PDE10A: variants seen among roughly 807,000 people sequenced by gnomAD.
PDE10A encodes phosphodiesterase 10A, also known as cAMP and cAMP-inhibited cGMP 3',5'-cyclic phosphodiesterase 10A.
PDE10A carries 39 observed loss-of-function variants against 97.7 expected under a neutral mutation model. That is an observed-to-expected ratio of 0.40 (90% CI 0.31 to 0.52). The LOEUF is 0.52. PDE10A is among the 20% of genes least tolerant of loss of function. The probability of loss-of-function intolerance (pLI) is 0.56; values close to 1 mark genes in which losing one functional copy is unlikely to be tolerated. For missense variants in PDE10A, 731 were observed against 1,047.8 expected, an observed-to-expected ratio of 0.70 and a Z score of 4.17; for synonymous variants, 371 against 376.8, an observed-to-expected ratio of 0.98 and a Z score of 0.18.
At chr6:165,608,398 A>C (rs544696293) in intron 1 of PDE10A, among the ~76,000 whole-genome samples, 39 of 151,818 alleles carry the variant, frequency 2.6e-4, no homozygotes, top group Non-Finnish European at 4.9e-4. Context: ...GCTGAGAATG[A>C]TGGTTTCCAG....
chr6:165,424,021 A>G (rs2128234235), intron 10 of PDE10A, among the ~76,000 whole-genome samples: 1 of 152,218 alleles, frequency 6.6e-6, no homozygotes, highest in East Asian at 1.9e-4. Context: ...ACAAGCCTTA[A>G]TTAAAAACTC....
At chr6:165,813,091 G>A (rs1028426732) in intron 1 of PDE10A, among the ~76,000 whole-genome samples, 5 of 152,162 alleles carry the variant, frequency 3.3e-5, no homozygotes, top group South Asian at 2.1e-4. Flanking sequence ...TTCTATACAC[G>A]CTTGTCCTTT....
intron 1 of PDE10A, among the ~76,000 whole-genome samples, chr6:165,783,092 A>T (rs1436856937): frequency 2.0e-5 from 3 of 151,916 alleles, no homozygotes; most frequent in Non-Finnish European, 2.9e-5. Context: ...AGGCAGTAAC[A>T]TTTTTTGGCT....
chr6:165,865,638 A>C (rs1781021256), intron 1 of PDE10A, among the ~76,000 whole-genome samples: 1 of 152,128 alleles, frequency 6.6e-6, no homozygotes, highest in African/African-American at 2.4e-5. Flanking sequence ...AATTCAATAA[A>C]AGAAATAATA....
chr6:165,435,706 A>T (rs570666423), intron 5 of PDE10A, among the ~76,000 whole-genome samples: 136 of 152,318 alleles, frequency 8.9e-4, no homozygotes, highest in Middle Eastern at 3.4e-3. Flanking sequence ...AGATTCTATC[A>T]GACCACAAAC....
At chr6:165,515,005 A>G (rs1391109574) in intron 2 of PDE10A, among the ~76,000 whole-genome samples, 1 of 152,128 alleles carries the variant, frequency 6.6e-6, no homozygotes, top group Admixed American at 6.5e-5. Flanking sequence ...ATTCATTTTT[A>G]CTACAGAGCA....
At chr6:165,623,179 G>A (rs904670302) in intron 1 of PDE10A, among the ~76,000 whole-genome samples, 1 of 152,186 alleles carries the variant, frequency 6.6e-6, no homozygotes, top group African/African-American at 2.4e-5. Flanking sequence ...CACCCAGGCT[G>A]GAGTGGCACG....
intron 1 of PDE10A, among the ~76,000 whole-genome samples, chr6:165,555,402 C>T (rs888321094): frequency 6.6e-6 from 1 of 152,162 alleles, no homozygotes; most frequent in African/African-American, 2.4e-5. Context: ...CAAAACAGTA[C>T]CTACTCCATA....
chr6:165,475,852 T>C (rs968648166), intron 3 of PDE10A, among the ~76,000 whole-genome samples: 7 of 152,164 alleles, frequency 4.6e-5, no homozygotes, highest in Admixed American at 3.3e-4. Flanking sequence ...GATAATGAAA[T>C]CTGGATTCCA....
intron 2 of PDE10A, among the ~76,000 whole-genome samples, chr6:165,486,882 A>G (rs1779954627): frequency 6.6e-6 from 1 of 152,222 alleles, no homozygotes; most frequent in African/African-American, 2.4e-5. Context: ...ATTCAAAGCC[A>G]AAGTGGAATT....
At chr6:165,334,090 C>T (rs983733417) in intron 21 of PDE10A, among the ~76,000 whole-genome samples, 33 of 152,344 alleles carry the variant, frequency 2.2e-4, no homozygotes, top group Admixed American at 4.6e-4. Flanking sequence ...AAGCCATACA[C>T]TAATTTTGGT....
intron 1 of PDE10A, among the ~76,000 whole-genome samples, chr6:165,594,749 C>G (rs1382304465): frequency 1.3e-5 from 2 of 152,160 alleles, no homozygotes; most frequent in Admixed American, 1.3e-4. Flanking sequence ...GAAATGATAC[C>G]TTTATGGTGG....
intron 1 of PDE10A, among the ~76,000 whole-genome samples, chr6:165,925,791 A>G (rs752675523): frequency 2.8e-4 from 43 of 152,238 alleles, no homozygotes; most frequent in Non-Finnish European, 5.3e-4. Flanking sequence ...AATTGTGTTT[A>G]TATTGACTAT....
In PDE10A at chr6:165,750,593, CCA is replaced by C. The variant is rs1272749299; in HGVS notation, c.-614-207027_-614-207026del. Among the ~76,000 whole-genome samples the C allele has an allele frequency of 2.0e-5, 3 of 152,328 alleles. No homozygotes were observed. The East Asian group carries it at 5.8e-4, about 29-fold the overall frequency. On this transcript the variant is annotated intron_variant, in intron 1 of 19. Transcript: ENST00000366882. The stretch of plus-strand genomic sequence containing the variant: ...AATCGCCTCGTGAGTTCCACAGAGA[CCA>C]CAGTTTTTAATGGGGCCCACAGGAA...
chr6:165,925,415 T>C (rs563274316), intron 1 of PDE10A, among the ~76,000 whole-genome samples: 1 of 152,342 alleles, frequency 6.6e-6, no homozygotes, highest in South Asian at 2.1e-4. Flanking sequence ...TAAAGGCTTA[T>C]GTTTACACAG....
At chr6:165,625,299 T>C (rs1356153243) in intron 1 of PDE10A, among the ~76,000 whole-genome samples, 1 of 152,198 alleles carries the variant, frequency 6.6e-6, no homozygotes, top group African/African-American at 2.4e-5. Context: ...GCTGTCTCAC[T>C]GGTCCAGGAA....
chr6:165,828,402 G>A (rs2128470573), intron 1 of PDE10A, among the ~76,000 whole-genome samples: 1 of 152,244 alleles, frequency 6.6e-6, no homozygotes, highest in South Asian at 2.1e-4. Context: ...AGGGGTGTTG[G>A]GACAGAAGTG....
At chr6:165,925,162 A>G (rs1782895925) in intron 1 of PDE10A, among the ~76,000 whole-genome samples, 1 of 152,250 alleles carries the variant, frequency 6.6e-6, no homozygotes, top group East Asian at 1.9e-4. Flanking sequence ...ACCATCTGCC[A>G]TTAGAAAATG....
At chr6:165,820,811 A>G (rs573185832) in intron 1 of PDE10A, among the ~76,000 whole-genome samples, 1 of 152,330 alleles carries the variant, frequency 6.6e-6, no homozygotes, top group South Asian at 2.1e-4. Context: ...TTTCAGAAAA[A>G]TCAAACAGAG....
Sources: gnomAD v4.1 joint callset for allele counts (sites outside exome capture counted in the v4.1 genomes callset) on GRCh38, gnomAD v4.1.1 for gene constraint, MANE v1.5 for transcripts, NCBI Gene and HGNC (gene_info 2026-07-23, HGNC 2026-07-21) for gene names.